The following CROCC2 variants were observed in gnomAD, a reference collection of about 807,000 sequenced individuals.
The protein encoded by CROCC2 is ciliary rootlet coiled-coil protein 2.
In CROCC2, 163 loss-of-function variants were observed where a neutral mutation model predicts 177.6. The ratio of observed to expected loss-of-function variants is 0.92; its 90% CI spans 0.81 to 1.05. CROCC2 has a LOEUF of 1.05. Ranked by LOEUF, CROCC2 falls within the 50% of genes least tolerant of loss-of-function variation. The pLI, the probability that CROCC2 is intolerant of heterozygous loss-of-function variation, is 0.00. For missense variants in CROCC2, 1,929 were observed against 1,797.8 expected, an observed-to-expected ratio of 1.07 and a Z score of -1.32; for synonymous variants, 904 against 787.3, an observed-to-expected ratio of 1.15 and a Z score of -2.48.
At chr2:240,913,005 C>T (rs1470286637) in intron 1 of CROCC2, among the ~76,000 whole-genome samples, 1 of 152,200 alleles carries the variant, frequency 6.6e-6, no homozygotes, top group Non-Finnish European at 1.5e-5. Context: ...GGCAGATGCT[C>T]AGCCCATCTC....
At chr2:240,983,138 G>C in intron 28 of CROCC2, 109 bp downstream of exon 28, 1 of 1,143,048 alleles carries the variant, frequency 8.7e-7, no homozygotes, top group Non-Finnish European at 1.2e-6. Flanking sequence ...AACATGAAGG[G>C]AGGCCTAGAG....
At chr2:240,961,586 T>TCA (rs72080262) in intron 20 of CROCC2, among the ~76,000 whole-genome samples, 9 of 136,816 alleles carry the variant, frequency 6.6e-5, no homozygotes, top group Non-Finnish European at 1.2e-4. Flanking sequence ...ACACATACAC[T>TCA]CACACACACA....
rs960455820 is a variant in CROCC2, at chr2:240,965,302, C to T, written c.3466-79C>T. 104 of 1,521,926 alleles carry T rather than the reference C, an allele frequency of 6.8e-5. No individual in the cohort carries two copies. In the Admixed American group the frequency reaches 1.7e-3, roughly 25 times the overall value. The allele number at this position is 1,521,926 out of a possible 1,614,324, so 94.3% of individuals were successfully genotyped here. A position where few individuals can be genotyped will look rare whatever the true frequency, so the allele number is the denominator to read the frequency against. ...CAGCTGCCCTCAAGGGACGTGTGAG[C>T]GGAGGCAGGAGGCAGGGAGGCTGCC... On this transcript the variant is annotated intron_variant, in intron 22 of 31. Transcript: ENST00000690015.
At position 240,949,689 on chromosome 2, in the gene CROCC2, T is replaced by C. The variant is rs542761618; in HGVS notation, c.2639T>C (p.Leu880Pro). 1.0e-5 allele frequency: 16 copies of C among 1,541,598 alleles called. No homozygotes were observed. In the Admixed American group the frequency reaches 2.4e-4, roughly 23 times the overall value. ...ALAHREALAQ[L>P]QREKETLSLT... ...GCCCACCGAGAGGCCCTGGCACAGC[T>C]CCAAAGGGAGAAGGTCTGCTTCCCA... The change falls in exon 17 of 32, where the codon CTC (leucine) becomes CCC (proline). Residue 880 changes from leucine to proline, a missense_variant. Physicochemically the swap from Leu to Pro is moderately conservative, Grantham distance 98. Transcript: ENST00000690015. The surrounding 1 kb of genome is among the most constrained non-coding windows in gnomAD (Gnocchi z 4.5).
chr2:240,969,767 G>C (rs749332028), intron 27 of CROCC2, among the ~76,000 whole-genome samples: 1 of 152,200 alleles, frequency 6.6e-6, no homozygotes, highest in African/African-American at 2.4e-5. Flanking sequence ...GTCTCATTCT[G>C]TCACCCAGGC....
Position 240,989,807 on chromosome 2 carries a change from C to T in CROCC2, c.4837C>T (p.Gln1613Ter). ...ALESQEWTHQ[Q>*]QVKVLEEQVA... ...GGAGTCCCAAGAATGGACCCACCAG[C>T]AGCAGGTAAAGGTGCTGGAAGAGCA... The change falls in exon 30 of 32, where the codon CAG becomes TAG. Residue 1613 changes from glutamine to a stop codon, truncating the protein, a stop_gained. Coordinates refer to ENST00000690015, the MANE Select transcript of CROCC2 (RefSeq NM_001351305.2). LOFTEE classifies it high-confidence loss of function. 1.3e-6 allele frequency: 2 copies of T among 1,548,154 alleles called. No homozygotes were observed. Among genetic ancestry groups the T allele is most frequent in the South Asian group, 1.2e-5 (1 of 83,922 alleles).
chr2:240,952,426 G>A lies in CROCC2; in HGVS notation c.2829+1916G>A, dbSNP rs142131573. On this transcript the variant is annotated intron_variant, in intron 18 of 31. Coordinates refer to ENST00000690015, the MANE Select transcript of CROCC2 (RefSeq NM_001351305.2). ...TAATATTTGATTCTTGCAACACTCT[G>A]AGGCACATGCTCTAATTATCCCTAT... Among the ~76,000 whole-genome samples, 5 of 152,148 alleles carry A rather than the reference G, an allele frequency of 3.3e-5. No homozygotes were observed. The East Asian group carries it at 7.7e-4, about 23-fold the overall frequency.
intron 27 of CROCC2, among the ~76,000 whole-genome samples, chr2:240,979,514 A>G (rs2059784023): frequency 4.6e-5 from 4 of 86,494 alleles, no homozygotes; most frequent in Non-Finnish European, 9.4e-5. Flanking sequence ...GCCCAGGCTC[A>G]TCCCTGCTCA....
At chr2:240,910,455 T>C (rs941319580) in intron 1 of CROCC2, among the ~76,000 whole-genome samples, 2 of 152,232 alleles carry the variant, frequency 1.3e-5, no homozygotes, top group African/African-American at 2.4e-5. Flanking sequence ...GTTGTTGAAA[T>C]TGGCAAAAGT....
intron 1 of CROCC2, among the ~76,000 whole-genome samples, chr2:240,915,959 G>C (rs1457444336): frequency 6.6e-6 from 1 of 152,156 alleles, no homozygotes; most frequent in Admixed American, 6.5e-5. Context: ...AGCCTCCAGC[G>C]GACGCTGGGC....
chr2:240,955,996 C>T (rs752346314), intron 19 of CROCC2, 24 bp downstream of exon 19: 87 of 1,509,806 alleles, frequency 5.8e-5, no homozygotes, highest in Middle Eastern at 2.3e-4. Context: ...AGCCAGGCCA[C>T]GTGCACAGCC....
At chr2:240,986,834 G>A (rs2059843367) in intron 28 of CROCC2, among the ~76,000 whole-genome samples, 1 of 152,218 alleles carries the variant, frequency 6.6e-6, no homozygotes, top group South Asian at 2.1e-4. Context: ...GCCCCCTTCT[G>A]GGAGTAGGCA....
At chr2:240,959,548 C>T in intron 20 of CROCC2, 104 bp downstream of exon 20, 1 of 1,393,908 alleles carries the variant, frequency 7.2e-7, no homozygotes, top group Non-Finnish European at 9.6e-7. Flanking sequence ...GAAAGAGAGG[C>T]TGTACCACAG....
chr2:240,962,110 C>T (rs2059646502), intron 20 of CROCC2, among the ~76,000 whole-genome samples: 1 of 152,166 alleles, frequency 6.6e-6, no homozygotes, highest in Non-Finnish European at 1.5e-5. Flanking sequence ...TCACCCTCCC[C>T]TGCTTTCCCT....
intron 5 of CROCC2, chr2:240,929,543 C>A: frequency 2.5e-6 from 1 of 406,856 alleles, no homozygotes; most frequent in Non-Finnish European, 5.0e-6. Flanking sequence ...CGCTCCGTTA[C>A]AGCCTAATCA....
intron 14 of CROCC2, among the ~76,000 whole-genome samples, chr2:240,945,314 G>A (rs559317182): frequency 3.3e-5 from 5 of 152,322 alleles, no homozygotes; most frequent in South Asian, 2.1e-4. Context: ...TGATTCGCAC[G>A]TGAGCTTCGG....
intron 15 of CROCC2, among the ~76,000 whole-genome samples, chr2:240,947,178 A>C (rs2059528951): frequency 6.6e-6 from 1 of 152,258 alleles, no homozygotes; most frequent in South Asian, 2.1e-4. Context: ...GGAGTCTGGG[A>C]TCCTCGAGCT....
Position 240,949,162 on chromosome 2 carries a change from G to C in CROCC2, c.2482+65G>C. ...CAGCCATGGAGGGGCCCCTGGAATGGAGCTCAGTGCCCACACGTGCTGCAC... is the reference window on the plus strand; with the variant it reads ...CAGCCATGGAGGGGCCCCTGGAATGCAGCTCAGTGCCCACACGTGCTGCAC... On this transcript the variant is annotated intron_variant, in intron 16 of 31. Coordinates refer to ENST00000690015, the MANE Select transcript of CROCC2 (RefSeq NM_001351305.2). This position sits in a 1 kb window ranked among gnomAD's most constrained non-coding sequence, Gnocchi z 4.5. 1.4e-6 allele frequency: 2 copies of C among 1,469,910 alleles called. No individual in the cohort carries two copies. 91.1% of individuals were successfully genotyped at this position (1,469,910 alleles called of 1,614,324 possible). A position where few individuals can be genotyped will look rare whatever the true frequency, so the allele number is the denominator to read the frequency against.
At position 240,983,369 on chromosome 2, in the gene CROCC2, C is replaced by G. The variant is rs780484482; in HGVS notation, c.4551+340C>G. The stretch of plus-strand genomic sequence containing the variant: ...GCCAGCCTTAGATGGAACGACCCCG[C>G]TCTCAGAAACTCGGGCCCTCCCAAT... On this transcript the variant is annotated intron_variant, in intron 28 of 31. Transcript: ENST00000690015. 7.7e-6 allele frequency: 10 copies of G among 1,293,818 alleles called. No homozygotes were observed. In the South Asian group the frequency reaches 1.3e-4, roughly 16 times the overall value. 80.1% of individuals were successfully genotyped at this position (1,293,818 alleles called of 1,614,324 possible). A position where few individuals can be genotyped will look rare whatever the true frequency, so the allele number is the denominator to read the frequency against.
Sources: allele counts gnomAD v4.1 joint callset (sites outside exome capture counted in the v4.1 genomes callset), GRCh38; gene constraint gnomAD v4.1.1; non-coding constraint Gnocchi (gnomAD v3.1); transcripts MANE v1.5; gene names NCBI Gene and HGNC (gene_info 2026-07-23, HGNC 2026-07-21).